The following COL21A1 variants were observed in gnomAD, a reference collection of about 807,000 sequenced individuals.
COL21A1 encodes the protein collagen alpha-1(XXI) chain.
In COL21A1, 149 loss-of-function variants were observed where a neutral mutation model predicts 137.9. The ratio of observed to expected loss-of-function variants is 1.08; its 90% CI spans 0.95 to 1.24. COL21A1 has a LOEUF of 1.24. COL21A1 is among the 50% of genes most tolerant of loss of function. The pLI, the probability that COL21A1 is intolerant of heterozygous loss-of-function variation, is 0.00. For missense variants in COL21A1, 1,167 were observed against 1,158.4 expected, an observed-to-expected ratio of 1.01 and a Z score of -0.11; for synonymous variants, 456 against 391.5, an observed-to-expected ratio of 1.16 and a Z score of -1.95.
At chr6:56,358,297 C>T (rs1401974586) in intron 1 of COL21A1, among the ~76,000 whole-genome samples, 1 of 151,738 alleles carries the variant, frequency 6.6e-6, no homozygotes, top group African/African-American at 2.4e-5. Context: ...CTGATTGAAT[C>T]AAATCAAGCA....
At chr6:56,135,093 C>T (rs1773883086) in intron 12 of COL21A1, among the ~76,000 whole-genome samples, 1 of 151,688 alleles carries the variant, frequency 6.6e-6, no homozygotes, top group African/African-American at 2.4e-5. Flanking sequence ...GAATGTGAAA[C>T]CTTTCTATTT....
intron 1 of COL21A1, among the ~76,000 whole-genome samples, chr6:56,186,965 C>G (rs958815194): frequency 1.6e-4 from 25 of 152,204 alleles, no homozygotes; most frequent in Non-Finnish European, 1.5e-5. Context: ...AAAGAACTCT[C>G]TTAATAACAA....
rs553355294 is a variant in COL21A1 at position 56,256,232 on chromosome 6, G to A, written c.-38-73576C>T. Among the ~76,000 whole-genome samples the A allele has an allele frequency of 1.2e-4, 19 of 152,274 alleles. No individual in the cohort carries two copies. In the South Asian group the frequency reaches 3.9e-3, roughly 32 times the overall value. On this transcript the variant is annotated intron_variant, in intron 1 of 28. Coordinates refer to the COL21A1 transcript ENST00000370819. The stretch of plus-strand genomic sequence containing the variant: ...CTTCTCAGCTCCAGCTAGTCTCACT[G>A]TGTTCTTTACAAATCTGGAAAACTT...
At chr6:56,177,522 G>C (rs950226259) in intron 3 of COL21A1, among the ~76,000 whole-genome samples, 2 of 152,068 alleles carry the variant, frequency 1.3e-5, no homozygotes, top group African/African-American at 4.8e-5. Flanking sequence ...GACTGGGCGC[G>C]GTGGCTCACG....
intron 10 of COL21A1, among the ~76,000 whole-genome samples, chr6:56,151,418 G>T (rs1025957682): frequency 6.6e-6 from 1 of 152,098 alleles, no homozygotes; most frequent in Non-Finnish European, 1.5e-5. Flanking sequence ...TACCTGGCAG[G>T]ATATATAAAT....
At chr6:56,231,470 C>T (rs1431619004) in intron 1 of COL21A1, among the ~76,000 whole-genome samples, 1 of 151,778 alleles carries the variant, frequency 6.6e-6, no homozygotes. Context: ...CAACCAAGAC[C>T]ACTAAGACAT....
chr6:56,242,411 A>C (rs1782383752), intron 1 of COL21A1, among the ~76,000 whole-genome samples: 2 of 152,196 alleles, frequency 1.3e-5, no homozygotes, highest in African/African-American at 4.8e-5. Context: ...GAATTAAAAA[A>C]ATCTCTTTTC....
chr6:56,235,574 G>T (rs550453775), intron 1 of COL21A1, among the ~76,000 whole-genome samples: 46 of 152,008 alleles, frequency 3.0e-4, no homozygotes, highest in African/African-American at 1.1e-3. Flanking sequence ...AATACTGTTC[G>T]TGATAGTTCA....
At chr6:56,390,063 A>T (rs1011045796) in intron 1 of COL21A1, among the ~76,000 whole-genome samples, 2 of 152,176 alleles carry the variant, frequency 1.3e-5, no homozygotes, top group African/African-American at 4.8e-5. Flanking sequence ...TGTGTAAACC[A>T]CTCATATATT....
intron 1 of COL21A1, among the ~76,000 whole-genome samples, chr6:56,209,077 TA>T (rs1354599140): frequency 6.6e-6 from 1 of 151,574 alleles, no homozygotes; most frequent in Non-Finnish European, 1.5e-5. Flanking sequence ...AACCCTAGAA[TA>T]AAACCTTGGC....
chr6:56,309,251 G>A (rs1764546397), intron 1 of COL21A1, among the ~76,000 whole-genome samples: 2 of 152,096 alleles, frequency 1.3e-5, no homozygotes, highest in Non-Finnish European at 2.9e-5. Flanking sequence ...ATGTTGGCTA[G>A]GATGGTCTTA....
chr6:56,142,069 CAA>C lies in COL21A1; in HGVS notation c.1435-88_1435-87del, dbSNP rs141678344. On this transcript the variant is annotated intron_variant, in intron 10 of 29. Coordinates refer to ENST00000244728, the MANE Select transcript of COL21A1 (RefSeq NM_030820.4). Reference sequence around the variant, plus strand: ...TTCGTTTCAGAATTCACTCTTATCTCAAGTTTCTCATGCCTAAAACTTCACTT... The same window carrying C: ...TTCGTTTCAGAATTCACTCTTATCTCGTTTCTCATGCCTAAAACTTCACTT... The C allele has an allele frequency of 1.9e-3, 1,881 of 974,486 alleles. 24 individuals are homozygous for C. The African/African-American group carries it at 0.029, about 15-fold the overall frequency. 60.4% of individuals were successfully genotyped at this position (974,486 alleles called of 1,614,324 possible). A position where few individuals can be genotyped will look rare whatever the true frequency, so the allele number is the denominator to read the frequency against.
At chr6:56,245,836 T>A (rs1019645176) in intron 1 of COL21A1, among the ~76,000 whole-genome samples, 4 of 152,172 alleles carry the variant, frequency 2.6e-5, no homozygotes, top group African/African-American at 9.7e-5. Flanking sequence ...AACAAGTTTA[T>A]ATACCTCAGT....
chr6:56,123,645 A>T (rs1229521197), intron 16 of COL21A1, among the ~76,000 whole-genome samples: 1 of 152,178 alleles, frequency 6.6e-6, no homozygotes, highest in East Asian at 1.9e-4. Flanking sequence ...ATAGACAATG[A>T]ATTATTGACA....
intron 1 of COL21A1, among the ~76,000 whole-genome samples, chr6:56,383,097 G>A (rs1369428020): frequency 6.6e-6 from 1 of 152,146 alleles, no homozygotes; most frequent in Admixed American, 6.5e-5. Context: ...CCATAGACTA[G>A]GTGACTTAAA....
At chr6:56,164,785 T>G (rs761375281) in intron 8 of COL21A1, 29 bp downstream of exon 8, 12 of 1,555,694 alleles carry the variant, frequency 7.7e-6, no homozygotes, top group Non-Finnish European at 1.0e-5. Context: ...AAATATTACC[T>G]TAAGGGGAAC....
chr6:56,088,320 C>T (rs182863334), intron 17 of COL21A1, among the ~76,000 whole-genome samples: 32 of 152,116 alleles, frequency 2.1e-4, no homozygotes, highest in East Asian at 1.5e-3. Flanking sequence ...GCTGAGATTG[C>T]GCCACTGCAC....
chr6:56,357,915 G>C (rs1765870789), intron 1 of COL21A1, among the ~76,000 whole-genome samples: 1 of 152,160 alleles, frequency 6.6e-6, no homozygotes, highest in Admixed American at 6.6e-5. Context: ...ACAATTCTGA[G>C]TCAGAGTGAT....
chr6:56,288,101 T>C (rs925166904), intron 1 of COL21A1, among the ~76,000 whole-genome samples: 3 of 152,184 alleles, frequency 2.0e-5, no homozygotes, highest in African/African-American at 4.8e-5. Flanking sequence ...ACTAAATGTT[T>C]GGCAAGTTGT....
Sources: allele counts gnomAD v4.1 joint callset (sites outside exome capture counted in the v4.1 genomes callset), GRCh38; gene constraint gnomAD v4.1.1; transcripts MANE v1.5; gene names NCBI Gene and HGNC (gene_info 2026-07-23, HGNC 2026-07-21).